The following LRCH1 variants were observed in gnomAD, a reference collection of about 807,000 sequenced individuals.
LRCH1 encodes leucine-rich repeat and calponin homology domain-containing protein 1.
In LRCH1, 23 loss-of-function variants were observed where a neutral mutation model predicts 94.9. The observed-to-expected ratio is 0.24, with a 90% CI of 0.17 to 0.34. The LOEUF is 0.34. Among genes scored for constraint, LRCH1 ranks in the 10% least tolerant of loss-of-function variants. The pLI, the probability that LRCH1 is intolerant of heterozygous loss-of-function variation, is 1.00. For synonymous variants in LRCH1, 364 were observed against 354.9 expected, an observed-to-expected ratio of 1.03 and a Z score of -0.29; for missense variants, 790 against 945.9, an observed-to-expected ratio of 0.84 and a Z score of 2.16.
chr13:46,686,211 C>T (rs1870606861), intron 5 of LRCH1, among the ~76,000 whole-genome samples, 170 bp downstream of exon 5: 1 of 152,182 alleles, frequency 6.6e-6, no homozygotes, highest in East Asian at 1.9e-4. Context: ...ACGTGGAAGC[C>T]TCCAGAGTGA....
At chr13:46,622,201 TTCC>T (rs1211431002) in intron 1 of LRCH1, among the ~76,000 whole-genome samples, 2 of 75,666 alleles carry the variant, frequency 2.6e-5, no homozygotes, top group Non-Finnish European at 5.6e-5. Flanking sequence ...TTTTTTTTTT[TTCC>T]CCCCAAGGCG....
chr13:46,651,444 G>T (rs1193770956), intron 2 of LRCH1, among the ~76,000 whole-genome samples: 4 of 151,856 alleles, frequency 2.6e-5, no homozygotes, highest in Admixed American at 2.6e-4. Flanking sequence ...CGGAGGGATC[G>T]CCTGTCAGGA....
rs1022551614 is a variant in LRCH1, at chr13:46,634,324, C to A, written c.308-15877C>A. On this transcript the variant is annotated intron_variant, in intron 1 of 19. Coordinates refer to ENST00000389797, the MANE Select transcript of LRCH1 (RefSeq NM_001164211.2). ...TCTACCTCACAAATGTCTTCCCTGG[C>A]GAATCCTCCTTTCTGTGCCACCCAT... Among the ~76,000 whole-genome samples the A allele has an allele frequency of 2.0e-5, 3 of 152,220 alleles. No individual in the cohort carries two copies. In the South Asian group the frequency reaches 6.2e-4, roughly 31 times the overall value.
intron 1 of LRCH1, among the ~76,000 whole-genome samples, chr13:46,617,117 G>T (rs575154857): frequency 1.1e-4 from 17 of 152,302 alleles, no homozygotes; most frequent in African/African-American, 4.1e-4. Flanking sequence ...GCTTGGCTTG[G>T]GCTCAGAGGC....
At chr13:46,582,194 G>A (rs1422685738) in intron 1 of LRCH1, among the ~76,000 whole-genome samples, 1 of 150,060 alleles carries the variant, frequency 6.7e-6, no homozygotes, top group Non-Finnish European at 1.5e-5. Context: ...GGGTATAGCT[G>A]AAATCTGCTC....
chr13:46,687,338 G>A (rs1316512410), intron 5 of LRCH1, among the ~76,000 whole-genome samples: 24 of 152,168 alleles, frequency 1.6e-4, no homozygotes, highest in Admixed American at 1.6e-3. Flanking sequence ...TTAGAGACAA[G>A]TCTCCAGCTC....
At chr13:46,710,687 T>A (rs1180316502) in intron 13 of LRCH1, among the ~76,000 whole-genome samples, 1 of 152,190 alleles carries the variant, frequency 6.6e-6, no homozygotes. Context: ...CCTCTTGGAT[T>A]TGTGTCAAAG....
intron 1 of LRCH1, among the ~76,000 whole-genome samples, chr13:46,568,359 A>G (rs964046424): frequency 1.3e-5 from 2 of 152,236 alleles, no homozygotes; most frequent in African/African-American, 4.8e-5. Context: ...TGTGGTAGAT[A>G]ACACCTTTTA....
At chr13:46,705,637 A>G (rs1871720703) in intron 13 of LRCH1, 5 of 442,564 alleles carry the variant, frequency 1.1e-5, no homozygotes, top group South Asian at 4.5e-5. Context: ...GAGGAGGACC[A>G]TTCAATGTAG....
Position 46,741,895 on chromosome 13 carries a change from T to C in LRCH1, c.*47T>C. The C allele has an allele frequency of 1.2e-6, 2 of 1,610,118 alleles. No individual in the cohort carries two copies. Among genetic ancestry groups the C allele is most frequent in the Middle Eastern group, 4.2e-4 (2 of 4,754 alleles). ...GCTGTGCTCTGTCGCCCTCAACCTTTGCAGGGTCCTTCCTACCTTTGAGCC... is the reference window on the plus strand; with the variant it reads ...GCTGTGCTCTGTCGCCCTCAACCTTCGCAGGGTCCTTCCTACCTTTGAGCC... On this transcript the variant is annotated 3_prime_UTR_variant, in exon 20 of 20. Coordinates refer to ENST00000389797, the MANE Select transcript of LRCH1 (RefSeq NM_001164211.2).
intron 9 of LRCH1, 55 bp downstream of exon 9, chr13:46,695,072 C>A: frequency 6.3e-7 from 1 of 1,589,718 alleles, no homozygotes; most frequent in Non-Finnish European, 8.6e-7. Context: ...TGTTTGGCAC[C>A]GTACAATTTA....
chr13:46,619,113 T>TTCCTTCCTTCCTTCC (rs143168003), intron 1 of LRCH1, among the ~76,000 whole-genome samples: 7,550 of 90,346 alleles, frequency 0.084, 385 homozygotes, highest in East Asian at 0.12. Flanking sequence ...CCTTCCTTCC[T>TTCCTTCCTTCCTTCC]TTTTTTTGGT....
At chr13:46,607,689 A>C (rs2050703491) in intron 1 of LRCH1, among the ~76,000 whole-genome samples, 1 of 150,418 alleles carries the variant, frequency 6.6e-6, no homozygotes, top group Admixed American at 6.6e-5. Flanking sequence ...GCTCTGTTAA[A>C]CACTTGTATT....
intron 1 of LRCH1, among the ~76,000 whole-genome samples, chr13:46,628,819 G>A (rs1399141459): frequency 6.6e-6 from 1 of 152,084 alleles, no homozygotes; most frequent in African/African-American, 2.4e-5. Context: ...AATGTGTGGA[G>A]ACAAATCGTG....
chr13:46,601,954 G>A (rs563220083), intron 1 of LRCH1, among the ~76,000 whole-genome samples: 3 of 152,286 alleles, frequency 2.0e-5, no homozygotes, highest in East Asian at 3.9e-4. Flanking sequence ...AATAGCCTGT[G>A]TTCAGTAGTT....
chr13:46,596,416 A>G (rs1180735017), intron 1 of LRCH1, among the ~76,000 whole-genome samples: 1 of 152,234 alleles, frequency 6.6e-6, no homozygotes, highest in African/African-American at 2.4e-5. Flanking sequence ...TTACTTTATA[A>G]GGATCTTGTA....
At chr13:46,700,075 A>G (rs951559633) in intron 10 of LRCH1, among the ~76,000 whole-genome samples, 3 of 152,170 alleles carry the variant, frequency 2.0e-5, no homozygotes, top group African/African-American at 7.2e-5. Context: ...ATAAATATTT[A>G]TTTAGCAAGA....
rs1291019711 is a variant in LRCH1 at position 46,553,626 on chromosome 13, A to G, written c.230A>G (p.Asn77Ser). 6.3e-7 allele frequency: 1 copy of G among 1,591,300 alleles called. No individual in the cohort carries two copies. The highest frequency in any genetic ancestry group is 8.5e-7 in the Non-Finnish European group (1 of 1,169,876). Reference sequence around the variant, plus strand: ...GAGGCGGCCAACTCCGGGGGGCTGAACCTGAGCGCCAGGAAATTGAAGGAA... The same window carrying G: ...GAGGCGGCCAACTCCGGGGGGCTGAGCCTGAGCGCCAGGAAATTGAAGGAA... ...LEEAANSGGL[N>S]LSARKLKEFP... Residue 77 changes from asparagine to serine, a missense_variant, in exon 1 of 20, where the codon AAC becomes AGC. This residue lies in a region of LRCH1 where 136 missense variants were observed against 143.5 expected (regional missense o/e 0.95). Transcript: ENST00000389797.
intron 13 of LRCH1, among the ~76,000 whole-genome samples, chr13:46,709,050 C>T (rs1318931881): frequency 6.6e-6 from 1 of 152,184 alleles, no homozygotes; most frequent in East Asian, 1.9e-4. Context: ...ATGTACAGAT[C>T]TCTGGGTCTT....
Sources: gnomAD v4.1 joint callset for allele counts (sites outside exome capture counted in the v4.1 genomes callset) on GRCh38, gnomAD v4.1.1 for gene constraint, gnomAD v4.1.1 regional missense constraint, MANE v1.5 for transcripts, NCBI Gene and HGNC (gene_info 2026-07-23, HGNC 2026-07-21) for gene names.